The following HPSE2 variants were observed in gnomAD, a reference collection of about 807,000 sequenced individuals.
The protein encoded by HPSE2 is inactive heparanase-2.
In HPSE2, 38 loss-of-function variants were observed where a neutral mutation model predicts 60.5. The ratio of observed to expected loss-of-function variants is 0.63; its 90% CI spans 0.48 to 0.82. The LOEUF (loss-of-function observed/expected upper bound fraction) is 0.82. Ranked by LOEUF, HPSE2 falls within the 40% of genes least tolerant of loss-of-function variation. The pLI, the probability that HPSE2 is intolerant of heterozygous loss-of-function variation, is 0.00. For synonymous variants in HPSE2, 295 were observed against 293.2 expected, an observed-to-expected ratio of 1.01 and a Z score of -0.06; for missense variants, 713 against 740.4, an observed-to-expected ratio of 0.96 and a Z score of 0.43.
chr10:99,293,401 A>G, the HPSE2 span, among the ~76,000 whole-genome samples: 5 of 152,344 alleles, frequency 3.3e-5, no homozygotes, highest in East Asian at 9.6e-4. Flanking sequence ...TTGAAATAAA[A>G]CATAAAATAC....
chr10:99,242,243 G>C, the HPSE2 span, among the ~76,000 whole-genome samples: 2 of 152,286 alleles, frequency 1.3e-5, no homozygotes, highest in South Asian at 2.1e-4. Flanking sequence ...ACTACACTTT[G>C]GGGATGTTTG....
intron 9 of HPSE2, among the ~76,000 whole-genome samples, chr10:98,518,622 G>A (rs779340031): frequency 2.6e-5 from 4 of 151,604 alleles, no homozygotes; most frequent in African/African-American, 4.8e-5. Flanking sequence ...CAGGAGAATC[G>A]CTTGAACCCA....
At chr10:98,852,097 A>C (rs1364664903) in intron 3 of HPSE2, among the ~76,000 whole-genome samples, 1 of 140,162 alleles carries the variant, frequency 7.1e-6, no homozygotes, top group Non-Finnish European at 1.5e-5. Flanking sequence ...AGGTTTTGCA[A>C]ACCTTGTATA....
chr10:98,887,093 C>A (rs1953186926), intron 3 of HPSE2, among the ~76,000 whole-genome samples: 1 of 152,086 alleles, frequency 6.6e-6, no homozygotes, highest in Non-Finnish European at 1.5e-5. Flanking sequence ...ATATACCAAA[C>A]AATGAGTTTT....
At chr10:99,097,161 T>C (rs1843747170) in intron 3 of HPSE2, among the ~76,000 whole-genome samples, 1 of 152,132 alleles carries the variant, frequency 6.6e-6, no homozygotes. Flanking sequence ...ACAAACATAC[T>C]TGAACACTAA....
chr10:98,792,198 A>G (rs911835466), intron 3 of HPSE2, among the ~76,000 whole-genome samples: 2 of 151,524 alleles, frequency 1.3e-5, no homozygotes, highest in Admixed American at 6.6e-5. Flanking sequence ...TCACCACACA[A>G]TCAAAAGGTT....
At chr10:99,140,863 C>G (rs530088110) in intron 3 of HPSE2, among the ~76,000 whole-genome samples, 1 of 152,202 alleles carries the variant, frequency 6.6e-6, no homozygotes, top group South Asian at 2.1e-4. Flanking sequence ...ATGGTGAAAC[C>G]CCATCTCTAC....
chr10:99,258,343 T>A, the HPSE2 span, among the ~76,000 whole-genome samples: 1 of 151,920 alleles, frequency 6.6e-6, no homozygotes, highest in Non-Finnish European at 1.5e-5. Context: ...ACCTGAAAAC[T>A]ATAAAACATT....
chr10:98,493,513 C>A (rs1224703354), intron 9 of HPSE2, among the ~76,000 whole-genome samples: 2 of 152,104 alleles, frequency 1.3e-5, no homozygotes, highest in African/African-American at 2.4e-5. Flanking sequence ...TATATTATTG[C>A]TGCACTGAAA....
chr10:98,468,913 CCT>C (rs1229933555), intron 11 of HPSE2, among the ~76,000 whole-genome samples: 5 of 152,224 alleles, frequency 3.3e-5, no homozygotes, highest in African/African-American at 9.6e-5. Flanking sequence ...GTTTATTTGC[CCT>C]CCATCCTACC....
At chr10:98,653,043 CTGT>C (rs933027792) in intron 6 of HPSE2, among the ~76,000 whole-genome samples, 69 of 152,260 alleles carry the variant, frequency 4.5e-4, no homozygotes, top group African/African-American at 1.7e-3. Flanking sequence ...TTTTGACACT[CTGT>C]TGTTAGATGC....
At chr10:98,468,597 T>C (rs531842350) in intron 11 of HPSE2, among the ~76,000 whole-genome samples, 56 of 152,154 alleles carry the variant, frequency 3.7e-4, no homozygotes, top group African/African-American at 1.3e-3. Flanking sequence ...GCTTATTTTA[T>C]CTGTGTGCTT....
In HPSE2 at chr10:99,081,837, T is replaced by C. The variant is rs566328504; in HGVS notation, c.610+62401A>G. ...ATTTTTAGTAGAGACAGGGTATCAC[T>C]GTGTTAGCCAGGAAGGTCTCAATCT... is the stretch of plus-strand genomic sequence containing the variant. On this transcript the variant is annotated intron_variant, in intron 3 of 11. Transcript: ENST00000370552. 3.3e-5 allele frequency among the ~76,000 whole-genome samples: 5 copies of C among 152,058 alleles called. No individual in the cohort carries two copies. In the East Asian group the frequency reaches 9.7e-4, roughly 30 times the overall value.
intron 11 of HPSE2, among the ~76,000 whole-genome samples, chr10:98,480,463 C>T (rs1427520852): frequency 6.6e-6 from 1 of 152,050 alleles, no homozygotes; most frequent in South Asian, 2.1e-4. Context: ...TATGACATAT[C>T]GCTAGCTAGT....
intron 3 of HPSE2, among the ~76,000 whole-genome samples, chr10:99,127,566 C>T (rs1185421997): frequency 6.6e-6 from 1 of 152,148 alleles, no homozygotes; most frequent in African/African-American, 2.4e-5. Flanking sequence ...GTTTGGAAAA[C>T]TTATTTGAGG....
At chr10:98,550,760 C>T (rs1943840054) in intron 9 of HPSE2, among the ~76,000 whole-genome samples, 1 of 151,952 alleles carries the variant, frequency 6.6e-6, no homozygotes. Context: ...AGGTGTGAGC[C>T]ACCGCGCCTG....
intron 3 of HPSE2, among the ~76,000 whole-genome samples, chr10:99,109,252 C>G (rs182887784): frequency 6.6e-6 from 1 of 152,058 alleles, no homozygotes; most frequent in East Asian, 1.9e-4. Context: ...GATTTTAGTC[C>G]CACCTACATA....
At chr10:98,781,647 T>C (rs1333286889) in intron 3 of HPSE2, among the ~76,000 whole-genome samples, 6 of 152,140 alleles carry the variant, frequency 3.9e-5, no homozygotes, top group Admixed American at 3.9e-4. Context: ...CAAAGAAATA[T>C]AAATTAAAAC....
At chr10:99,230,436 G>A (rs1849605507) in intron 2 of HPSE2, among the ~76,000 whole-genome samples, 1 of 152,106 alleles carries the variant, frequency 6.6e-6, no homozygotes. Flanking sequence ...TGCCAGGTTG[G>A]ACAAAACAAG....
Sources: gnomAD v4.1 joint callset for allele counts (sites outside exome capture counted in the v4.1 genomes callset) on GRCh38, gnomAD v4.1.1 for gene constraint, MANE v1.5 for transcripts, NCBI Gene and HGNC (gene_info 2026-07-23, HGNC 2026-07-21) for gene names.